Variants in PARD3B observed in about 807,000 individuals in gnomAD.
PARD3B encodes par-3 family cell polarity regulator beta, also known as partitioning defective 3 homolog B.
In PARD3B, 103 loss-of-function variants were observed where a neutral mutation model predicts 130.2. The ratio of observed to expected loss-of-function variants is 0.79; its 90% confidence interval spans 0.67 to 0.93. PARD3B has a LOEUF of 0.93. Ranked by LOEUF, PARD3B falls within the 40% of genes least tolerant of loss-of-function variation. The pLI, the probability that PARD3B is intolerant of heterozygous loss-of-function variation, is 0.00. For missense variants in PARD3B, 1,609 were observed against 1,499.2 expected, an observed-to-expected ratio of 1.07 and a Z score of -1.21; for synonymous variants, 583 against 553.2, an observed-to-expected ratio of 1.05 and a Z score of -0.76.
At chr2:204,632,683 G>C (rs557454591) in intron 1 of PARD3B, among the ~76,000 whole-genome samples, 1 of 152,108 alleles carries the variant, frequency 6.6e-6, no homozygotes, top group East Asian at 1.9e-4. Context: ...CTGTTCCTAC[G>C]GTTGCAGAGA....
chr2:204,627,665 G>A (rs2034533121), intron 1 of PARD3B, among the ~76,000 whole-genome samples: 1 of 151,964 alleles, frequency 6.6e-6, no homozygotes, highest in Non-Finnish European at 1.5e-5. Flanking sequence ...CATATTTATT[G>A]ATAGTTTTTT....
chr2:205,380,669 T>C (rs1480048214), intron 18 of PARD3B, among the ~76,000 whole-genome samples: 22 of 84,562 alleles, frequency 2.6e-4, no homozygotes, highest in Non-Finnish European at 4.1e-4. Context: ...TTATATATAA[T>C]ATATAAAGAA....
chr2:204,962,569 TTTA>T (rs1690842932), intron 2 of PARD3B, among the ~76,000 whole-genome samples: 1 of 152,140 alleles, frequency 6.6e-6, no homozygotes. Flanking sequence ...AGAACAGTGG[TTTA>T]TGTTAATTAA....
rs2040311602 is a variant in PARD3B, at chr2:204,747,981, C to G, written c.222+61699C>G. 8.6e-5 allele frequency among the ~76,000 whole-genome samples: 13 copies of G among 152,046 alleles called. No individual in the cohort carries two copies. The South Asian group carries it at 2.7e-3, about 32-fold the overall frequency. On this transcript the variant is annotated intron_variant, in intron 2 of 22. Coordinates refer to ENST00000406610, the MANE Select transcript of PARD3B (RefSeq NM_001302769.2). ...ATACTCAGAGTTGAGTAAGACTACT[C>G]CCAGTACTGAGATGTGGGAGATGAC... is the stretch of plus-strand genomic sequence containing the variant.
rs561425479 is a variant in PARD3B, at chr2:204,907,991, C to T, written c.223-57161C>T. 1.2e-4 allele frequency among the ~76,000 whole-genome samples: 19 copies of T among 152,246 alleles called. No individual in the cohort carries two copies. In the South Asian group the frequency reaches 3.5e-3, roughly 28 times the overall value. On this transcript the variant is annotated intron_variant, in intron 2 of 22. Coordinates refer to ENST00000406610, the MANE Select transcript of PARD3B (RefSeq NM_001302769.2). The surrounding 1 kb of genome is among the most constrained non-coding windows in gnomAD (Gnocchi z 5.7). The stretch of plus-strand genomic sequence containing the variant: ...TGCTGGAATTGCGGGCATGAGCCAC[C>T]GCACCCAGCCTAAAGAGTGTTTTTT...
At chr2:204,836,852 G>C (rs1264462868) in intron 2 of PARD3B, among the ~76,000 whole-genome samples, 1 of 151,846 alleles carries the variant, frequency 6.6e-6, no homozygotes, top group Non-Finnish European at 1.5e-5. Context: ...TTTCCTTTAT[G>C]GTTGTTTTTA....
Position 205,044,743 on chromosome 2 carries a change from T to G in PARD3B, c.395-2838T>G, listed in dbSNP as rs573437804. Among the ~76,000 whole-genome samples the G allele has an allele frequency of 1.2e-3, 179 of 152,238 alleles. 1 individual carries two copies. Among genetic ancestry groups the G allele is most frequent in the African/African-American group, 4.1e-3 (170 of 41,548 alleles). Reference sequence around the variant, plus strand: ...GTAGGTTGCGAAAATTTTCTCCCATTTTGTAGGTTGCCTGTTCACTCTGAT... The same window carrying G: ...GTAGGTTGCGAAAATTTTCTCCCATGTTGTAGGTTGCCTGTTCACTCTGAT... On this transcript the variant is annotated intron_variant, in intron 3 of 22. Coordinates refer to ENST00000406610, the MANE Select transcript of PARD3B (RefSeq NM_001302769.2).
chr2:204,705,549 T>A (rs2038100885), intron 2 of PARD3B, among the ~76,000 whole-genome samples: 1 of 152,150 alleles, frequency 6.6e-6, no homozygotes, highest in African/African-American at 2.4e-5. Flanking sequence ...TAGCATGAAG[T>A]ACTAGAAAAT....
At chr2:205,332,381 A>G (rs2043170082) in intron 18 of PARD3B, among the ~76,000 whole-genome samples, 1 of 152,158 alleles carries the variant, frequency 6.6e-6, no homozygotes, top group African/African-American at 2.4e-5. Context: ...CAACTAGTTG[A>G]AGATCTCCCC....
intron 22 of PARD3B, among the ~76,000 whole-genome samples, chr2:205,614,952 G>A (rs1271226943): frequency 1.3e-5 from 2 of 152,092 alleles, no homozygotes; most frequent in East Asian, 3.9e-4. Context: ...ACCATGCCTA[G>A]GACAGACTTC....
At chr2:205,057,735 G>GTATGTGTATACGTATATATACATA (rs2125446818) in intron 4 of PARD3B, among the ~76,000 whole-genome samples, 1 of 149,770 alleles carries the variant, frequency 6.7e-6, no homozygotes, top group East Asian at 2.0e-4. Context: ...ACATATATGT[G>GTATGTGTATACGTATATATACATA]TATGTGTATA....
chr2:204,560,995 A>T (rs935407921), intron 1 of PARD3B, among the ~76,000 whole-genome samples: 3 of 149,688 alleles, frequency 2.0e-5, no homozygotes, highest in African/African-American at 7.4e-5. Context: ...AGTCTCTGAG[A>T]CATTTCAGTG....
intron 1 of PARD3B, among the ~76,000 whole-genome samples, chr2:204,683,087 T>G (rs1046550085): frequency 6.6e-6 from 1 of 152,190 alleles, no homozygotes; most frequent in Admixed American, 6.5e-5. Context: ...GTTTTAAAAT[T>G]TTAGTAGCAT....
chr2:204,694,342 A>G (rs1342800192), intron 2 of PARD3B, among the ~76,000 whole-genome samples: 1 of 151,976 alleles, frequency 6.6e-6, no homozygotes, highest in Non-Finnish European at 1.5e-5. Flanking sequence ...AACATTTACC[A>G]CTTACCATCT....
chr2:205,471,515 C>T (rs951307290), intron 20 of PARD3B, among the ~76,000 whole-genome samples: 1 of 152,006 alleles, frequency 6.6e-6, no homozygotes, highest in Non-Finnish European at 1.5e-5. Flanking sequence ...GCATGCGCCA[C>T]CACGCCTGGC....
intron 3 of PARD3B, among the ~76,000 whole-genome samples, chr2:204,980,928 T>C (rs1559322818): frequency 6.6e-6 from 1 of 152,210 alleles, no homozygotes; most frequent in African/African-American, 2.4e-5. Flanking sequence ...AATAGTAATG[T>C]ATAAATGTTA....
At position 205,458,222 on chromosome 2, in the gene PARD3B, G is replaced by T. The variant is rs2048337438; in HGVS notation, c.3044+17550G>T. On this transcript the variant is annotated intron_variant, in intron 20 of 22. Transcript: ENST00000406610. The surrounding 1 kb of genome is among the most constrained non-coding windows in gnomAD (Gnocchi z 4.8). Reference sequence around the variant, plus strand: ...ATCATCTTTGAAAAATTCTCAGCTGGTCACACCTCTTCAGAATTGTTTCTG... The same window carrying T: ...ATCATCTTTGAAAAATTCTCAGCTGTTCACACCTCTTCAGAATTGTTTCTG... Among the ~76,000 whole-genome samples the T allele has an allele frequency of 6.6e-6, 1 of 151,910 alleles. No individual in the cohort carries two copies. The highest frequency in any genetic ancestry group is 1.5e-5 in the Non-Finnish European group (1 of 67,964).
intron 1 of PARD3B, among the ~76,000 whole-genome samples, chr2:204,650,841 A>G (rs139956074): frequency 4.0e-4 from 61 of 152,208 alleles, no homozygotes; most frequent in African/African-American, 1.4e-3. Context: ...TCTTATGATC[A>G]TGGTGGAAAA....
intron 16 of PARD3B, among the ~76,000 whole-genome samples, chr2:205,296,304 T>C (rs2041788623): frequency 6.6e-6 from 1 of 152,154 alleles, no homozygotes; most frequent in Admixed American, 6.5e-5. Flanking sequence ...ACCACTACCC[T>C]CTAGACAGTT....
Sources: gnomAD v4.1 joint callset for allele counts (sites outside exome capture counted in the v4.1 genomes callset) on GRCh38, gnomAD v4.1.1 for gene constraint, Gnocchi (gnomAD v3.1) non-coding constraint, MANE v1.5 for transcripts, NCBI Gene and HGNC (gene_info 2026-07-23, HGNC 2026-07-21) for gene names.